COL5A1: variants seen among roughly 807,000 people sequenced by gnomAD.
COL5A1 encodes collagen alpha-1(V) chain.
In COL5A1, 16 loss-of-function variants were observed where a neutral mutation model predicts 263.7. The ratio of observed to expected loss-of-function variants is 0.06; its 90% CI spans 0.04 to 0.09. The LOEUF is 0.09. COL5A1 is among the 10% of genes least tolerant of loss of function. The pLI, the probability that COL5A1 is intolerant of heterozygous loss-of-function variation, is 1.00. For missense variants in COL5A1, 2,036 were observed against 2,540.5 expected, an observed-to-expected ratio of 0.80 and a Z score of 4.27; for synonymous variants, 1,012 against 1,004.5, an observed-to-expected ratio of 1.01 and a Z score of -0.14.
chr9:134,701,289 A>G lies in COL5A1; in HGVS notation c.610A>G (p.Ile204Val), dbSNP rs1060502245. 17 of 1,613,842 alleles carry G rather than the reference A, an allele frequency of 1.1e-5. No individual in the cohort carries two copies. The highest frequency in any genetic ancestry group is 1.4e-5 in the Non-Finnish European group (16 of 1,180,018). ...SDHPMIDING[I>V]IVFGTRILDE... Reference sequence around the variant, plus strand: ...CCACCCCATGATCGACATCAATGGCATCATCGTGTTTGGCACCCGGATCCT... The same window carrying G: ...CCACCCCATGATCGACATCAATGGCGTCATCGTGTTTGGCACCCGGATCCT... Residue 204 changes from isoleucine (I) to valine (V), a missense_variant, in exon 4 of 66, where the codon ATC becomes GTC. This residue lies in a region of COL5A1 where 600 missense variants were observed against 634.5 expected (regional missense o/e 0.95). Transcript: ENST00000371817.
chr9:134,775,203 A>G (rs1373216881), intron 27 of COL5A1, among the ~76,000 whole-genome samples: 1 of 152,248 alleles, frequency 6.6e-6, no homozygotes, highest in African/African-American at 2.4e-5. Flanking sequence ...AGGACGGGAC[A>G]CGTCCTTTTG....
intron 1 of COL5A1, among the ~76,000 whole-genome samples, chr9:134,656,407 G>A (rs79945348): frequency 0.091 from 13,893 of 152,204 alleles, 764 homozygotes; most frequent in South Asian, 0.12. Context: ...CGGGAGCTTC[G>A]GAGGCCGAGA....
intron 32 of COL5A1, among the ~76,000 whole-genome samples, chr9:134,792,837 GTA>G (rs144304591): frequency 0.012 from 1,658 of 144,058 alleles, 33 homozygotes; most frequent in African/African-American, 0.04. Context: ...GTATGCATGT[GTA>G]TGTGTGTGTG....
chr9:134,673,684 C>T (rs1188235502), intron 1 of COL5A1, among the ~76,000 whole-genome samples: 1 of 152,018 alleles, frequency 6.6e-6, no homozygotes, highest in East Asian at 1.9e-4. Context: ...GGAAACAAAA[C>T]TATGAGCCAT....
intron 4 of COL5A1, among the ~76,000 whole-genome samples, chr9:134,702,481 T>C (rs1384356647): frequency 6.6e-6 from 1 of 152,130 alleles, no homozygotes; most frequent in Non-Finnish European, 1.5e-5. Flanking sequence ...GCCATGTTTC[T>C]TCTCGGTGAC....
intron 64 of COL5A1, among the ~76,000 whole-genome samples, chr9:134,831,888 C>T (rs1839645879): frequency 6.6e-6 from 1 of 152,212 alleles, no homozygotes. Context: ...CATCAGCTTA[C>T]TTTAGGATCT....
At chr9:134,815,712 G>A in intron 51 of COL5A1, 83 bp downstream of exon 51, 1 of 1,483,804 alleles carries the variant, frequency 6.7e-7, no homozygotes, top group Non-Finnish European at 9.3e-7. Flanking sequence ...TCTTTCTGGT[G>A]GTTCTTTGTG....
chr9:134,763,600 C>T, intron 19 of COL5A1, 93 bp from the exon 20 acceptor site: 3 of 1,333,390 alleles, frequency 2.2e-6, no homozygotes, highest in Non-Finnish European at 3.2e-6. Context: ...TGAAGCAGCC[C>T]CAAGCCAGAG....
Position 134,789,027 on chromosome 9 carries a change from G to A in COL5A1, c.2647-128G>A. On this transcript the variant is annotated intron_variant, in intron 31 of 65. Transcript: ENST00000371817. The surrounding 1 kb of genome is among the most constrained non-coding windows in gnomAD (Gnocchi z 4.8). ...AGGTAGACAGGTAGGTGGGTGGTTG[G>A]GTGGGTGGGCAGGTGGAGTCTGGGG... 1.3e-6 allele frequency: 1 copy of A among 781,338 alleles called. No individual in the cohort carries two copies. The highest frequency in any genetic ancestry group is 2.2e-6 in the Non-Finnish European group (1 of 453,606). The allele number at this position is 781,338 out of a possible 1,614,324, so 48.4% of individuals were successfully genotyped here. A position where few individuals can be genotyped will look rare whatever the true frequency, so the allele number is the denominator to read the frequency against.
rs76801116 is a variant in COL5A1 at position 134,747,526 on chromosome 9, T to C, written c.1495-3016T>C. On this transcript the variant is annotated intron_variant, in intron 11 of 65. Coordinates refer to ENST00000371817, the MANE Select transcript of COL5A1 (RefSeq NM_000093.5). ...ACACACGTACACATTCATATGGACGTTCACACATCCACACACACCTGCATA... is the reference window on the plus strand; with the variant it reads ...ACACACGTACACATTCATATGGACGCTCACACATCCACACACACCTGCATA... Among the ~76,000 whole-genome samples, 1,471 of 89,858 alleles carry C rather than the reference T, an allele frequency of 0.016. 64 individuals carry two copies. In the East Asian group the frequency reaches 0.22, roughly 14 times the overall value. The allele number at this position is 89,858 out of a possible 152,430, so 59.0% of individuals were successfully genotyped here.
At chr9:134,816,271 G>C (rs565803444) in intron 52 of COL5A1, among the ~76,000 whole-genome samples, 6 of 152,266 alleles carry the variant, frequency 3.9e-5, no homozygotes, top group African/African-American at 1.4e-4. Flanking sequence ...CCATGGGCTC[G>C]CCCGGGAACG....
rs3811150 is a variant in COL5A1, at chr9:134,815,656, C to T, written c.4068+27C>T. Reference sequence around the variant, plus strand: ...TAGGTGCTCAAGAGGGCAAAGCCACCGGATCCCCCACAGTGCTGGCCTGCC... The same window carrying T: ...TAGGTGCTCAAGAGGGCAAAGCCACTGGATCCCCCACAGTGCTGGCCTGCC... On this transcript the variant is annotated intron_variant, in intron 51 of 65. Transcript: ENST00000371817. The T allele has an allele frequency of 4.0e-4, 637 of 1,611,254 alleles. 2 individuals carry two copies. The East Asian group carries it at 8.9e-3, about 22-fold the overall frequency.
chr9:134,761,279 A>G (rs2132716427), intron 18 of COL5A1, among the ~76,000 whole-genome samples: 1 of 151,242 alleles, frequency 6.6e-6, no homozygotes, highest in South Asian at 2.1e-4. Context: ...GCATACACAC[A>G]TGCACTCACA....
intron 5 of COL5A1, among the ~76,000 whole-genome samples, chr9:134,728,151 CA>C (rs1345679634): frequency 6.6e-6 from 1 of 152,246 alleles, no homozygotes; most frequent in African/African-American, 2.4e-5. Flanking sequence ...TTACAAACCC[CA>C]GGAGGGGCAG....
intron 1 of COL5A1, among the ~76,000 whole-genome samples, chr9:134,645,963 C>T (rs1157400290): frequency 6.7e-6 from 1 of 150,350 alleles, no homozygotes; most frequent in Non-Finnish European, 1.5e-5. Context: ...CTCCTTCCTT[C>T]TTTCCTCCCT....
chr9:134,763,614 C>A, intron 19 of COL5A1, 79 bp from the exon 20 acceptor site: 2 of 1,440,014 alleles, frequency 1.4e-6, no homozygotes, highest in South Asian at 1.1e-5. Flanking sequence ...GCCAGAGAAC[C>A]CTTGTGCACC....
intron 39 of COL5A1, among the ~76,000 whole-genome samples, chr9:134,803,567 G>A (rs1163831679): frequency 6.6e-6 from 1 of 152,178 alleles, no homozygotes; most frequent in Non-Finnish European, 1.5e-5. Context: ...CCCGGGAGGC[G>A]GAGGTTGCAG....
At chr9:134,835,729 G>C (rs141177324) in intron 65 of COL5A1, among the ~76,000 whole-genome samples, 2,307 of 152,300 alleles carry the variant, frequency 0.015, 52 homozygotes, top group Non-Finnish European at 0.015. Context: ...CCGGAGCGGC[G>C]GGAGGCTTGC....
chr9:134,724,483 C>T (rs1002145790), intron 4 of COL5A1, among the ~76,000 whole-genome samples: 11 of 152,216 alleles, frequency 7.2e-5, no homozygotes, highest in African/African-American at 1.2e-4. Context: ...GGATTCCCTC[C>T]GCCCCGCCCG....
Sources: allele counts gnomAD v4.1 joint callset (sites outside exome capture counted in the v4.1 genomes callset), GRCh38; gene constraint gnomAD v4.1.1; regional missense constraint gnomAD v4.1.1; non-coding constraint Gnocchi (gnomAD v3.1); transcripts MANE v1.5; gene names NCBI Gene and HGNC (gene_info 2026-07-23, HGNC 2026-07-21).